The following PARD6G variants were observed in gnomAD, a reference collection of about 807,000 sequenced individuals.
The protein encoded by PARD6G is par-6 family cell polarity regulator gamma.
In PARD6G, 7 loss-of-function variants were observed where a neutral mutation model predicts 10.7. The observed-to-expected ratio is 0.66, with a 90% CI of 0.37 to 1.23. The LOEUF (loss-of-function observed/expected upper bound fraction) is 1.23. Ranked by LOEUF, PARD6G falls within the 50% of genes most tolerant of loss-of-function variation. The probability of loss-of-function intolerance (pLI) is 0.02; values close to 1 mark genes in which losing one functional copy is unlikely to be tolerated. For synonymous variants in PARD6G, 287 were observed against 269.4 expected, an observed-to-expected ratio of 1.07 and a Z score of -0.64; for missense variants, 548 against 571.8, an observed-to-expected ratio of 0.96 and a Z score of 0.42.
At position 80,160,410 on chromosome 18, in the gene PARD6G, G is replaced by A. The variant is rs368450493; in HGVS notation, c.492C>T (p.His164=). The A allele has an allele frequency of 3.4e-4, 545 of 1,599,484 alleles. 6 individuals are homozygous for A. In the African/African-American group the frequency reaches 6.6e-3, roughly 19 times the overall value. The change falls in exon 3 of 3, where the codon CAC becomes CAT. Residue 164 remains histidine, a synonymous_variant. Transcript: ENST00000353265. ...AGAAGCCCAGCGGCTTCTCGCAGCC[G>A]TGCCGGTGCAGCCGCACTCGCCGGT... ...ETHRRVRLHR[H]GCEKPLGFYI... is the part of the protein sequence containing the mutation.
chr18:80,172,704 C>T (rs981038079), intron 2 of PARD6G, among the ~76,000 whole-genome samples: 4 of 152,104 alleles, frequency 2.6e-5, no homozygotes, highest in Non-Finnish European at 2.9e-5. Flanking sequence ...TTTCTATTGA[C>T]GTGAGTATTC....
chr18:80,212,769 C>G (rs1405989362), intron 1 of PARD6G, among the ~76,000 whole-genome samples: 1 of 151,946 alleles, frequency 6.6e-6, no homozygotes, highest in Non-Finnish European at 1.5e-5. Flanking sequence ...CCTGTAGTCC[C>G]AGCTACTCAG....
intron 2 of PARD6G, among the ~76,000 whole-genome samples, chr18:80,198,681 G>A (rs1045092364): frequency 1.3e-5 from 2 of 152,178 alleles, no homozygotes; most frequent in African/African-American, 4.8e-5. Flanking sequence ...TATTACCAGG[G>A]GAAGAGAGGA....
intron 2 of PARD6G, among the ~76,000 whole-genome samples, chr18:80,174,315 G>A (rs1393489866): frequency 6.6e-6 from 1 of 152,152 alleles, no homozygotes; most frequent in Non-Finnish European, 1.5e-5. Context: ...CAGACCTTGA[G>A]GCCAATGACG....
chr18:80,241,505 C>T (rs1003002748), intron 1 of PARD6G, among the ~76,000 whole-genome samples: 5 of 147,870 alleles, frequency 3.4e-5, no homozygotes, highest in Non-Finnish European at 7.4e-5. Context: ...TTGTGATGGG[C>T]ATTAGTGAAC....
At chr18:80,174,613 G>A (rs1371245989) in intron 2 of PARD6G, among the ~76,000 whole-genome samples, 3 of 152,208 alleles carry the variant, frequency 2.0e-5, no homozygotes, top group Non-Finnish European at 4.4e-5. Context: ...ACTGGGTGAT[G>A]CAGGAGGATA....
chr18:80,172,805 G>A (rs931132841), intron 2 of PARD6G, among the ~76,000 whole-genome samples: 6 of 152,264 alleles, frequency 3.9e-5, no homozygotes, highest in Middle Eastern at 3.4e-3. Context: ...TCTCAATAGC[G>A]TCCATTGACG....
intron 2 of PARD6G, chr18:80,169,632 A>C (rs1351377043): frequency 6.6e-6 from 1 of 152,226 alleles, no homozygotes; most frequent in Non-Finnish European, 1.5e-5. Flanking sequence ...CTTGTTCTCA[A>C]ACCGCTCGCT....
chr18:80,179,820 T>C (rs2052838725), intron 2 of PARD6G, among the ~76,000 whole-genome samples: 1 of 152,254 alleles, frequency 6.6e-6, no homozygotes, highest in African/African-American at 2.4e-5. Context: ...ACACTGTTAT[T>C]ATCAAAAGCA....
rs552633462 is a variant in PARD6G, at chr18:80,180,502, C to T, written c.296-19896G>A. Among the ~76,000 whole-genome samples the T allele has an allele frequency of 2.0e-5, 3 of 152,256 alleles. No homozygotes were observed. Among genetic ancestry groups the T allele is most frequent in the African/African-American group, 4.8e-5 (2 of 41,546 alleles). ...AGGTATCACCGGGGCCCTCCCAGGA[C>T]CAACCCAGCCGGTGGTCAGGGGTCC... is the stretch of plus-strand genomic sequence containing the variant. On this transcript the variant is annotated intron_variant, in intron 2 of 2. Coordinates refer to ENST00000353265, the MANE Select transcript of PARD6G (RefSeq NM_032510.4). The surrounding 1 kb of genome is among the most constrained non-coding windows in gnomAD (Gnocchi z 5.6).
rs1169283567 is a variant in PARD6G at position 80,228,684 on chromosome 18, C to T, written c.72+18593G>A. On this transcript the variant is annotated intron_variant, in intron 1 of 2. Transcript: ENST00000353265. This position sits in a 1 kb window ranked among gnomAD's most constrained non-coding sequence, Gnocchi z 4.6. Reference sequence around the variant, plus strand: ...TGAGGCCCCATCCCCTGCCCACAGACTGCGCCTCCCACCTAAGGCCCTTCT... The same window carrying T: ...TGAGGCCCCATCCCCTGCCCACAGATTGCGCCTCCCACCTAAGGCCCTTCT... Among the ~76,000 whole-genome samples, 1 of 151,474 alleles carries T rather than the reference C, an allele frequency of 6.6e-6. No homozygotes were observed. Among genetic ancestry groups the T allele is most frequent in the Non-Finnish European group, 1.5e-5 (1 of 67,860 alleles).
At chr18:80,166,975 C>T (rs532596099) in intron 2 of PARD6G, among the ~76,000 whole-genome samples, 40 of 152,232 alleles carry the variant, frequency 2.6e-4, no homozygotes, top group African/African-American at 8.9e-4. Flanking sequence ...TGGCCTTGGC[C>T]CTGTGCTCCA....
At chr18:80,191,325 C>A (rs1179548507) in intron 2 of PARD6G, among the ~76,000 whole-genome samples, 1 of 152,164 alleles carries the variant, frequency 6.6e-6, no homozygotes, top group African/African-American at 2.4e-5. Flanking sequence ...CCTGGCAGAG[C>A]TACATGAGGC....
At chr18:80,235,685 C>T (rs1178904058) in intron 1 of PARD6G, among the ~76,000 whole-genome samples, 1 of 152,264 alleles carries the variant, frequency 6.6e-6, no homozygotes, top group African/African-American at 2.4e-5. Context: ...CGCCACCGAT[C>T]CCACAGAAAT....
At position 80,159,486 on chromosome 18, in the gene PARD6G, G is replaced by A. The variant is rs2052679648; in HGVS notation, c.*285C>T. 2 of 350,680 alleles carry A rather than the reference G, an allele frequency of 5.7e-6. No individual in the cohort carries two copies. The highest frequency in any genetic ancestry group is 5.0e-6 in the Non-Finnish European group (1 of 200,718). The allele number at this position is 350,680 out of a possible 1,614,324, so 21.7% of individuals were successfully genotyped here. A position where few individuals can be genotyped will look rare whatever the true frequency, so the allele number is the denominator to read the frequency against. ...AAAGTATTTGTAAAAATTTTAAAAA[G>A]CATTTTTTTGCACTTGGTCAGATCT... On this transcript the variant is annotated 3_prime_UTR_variant, in exon 3 of 3. Coordinates refer to ENST00000353265, the MANE Select transcript of PARD6G (RefSeq NM_032510.4).
chr18:80,236,946 T>G (rs1967430371), intron 1 of PARD6G, among the ~76,000 whole-genome samples: 1 of 152,224 alleles, frequency 6.6e-6, no homozygotes, highest in Admixed American at 6.5e-5. Flanking sequence ...ACAGATTCAA[T>G]GCCATCCCCA....
intron 2 of PARD6G, among the ~76,000 whole-genome samples, chr18:80,193,582 T>C (rs761714993): frequency 2.0e-5 from 3 of 152,250 alleles, no homozygotes; most frequent in Non-Finnish European, 2.9e-5. Context: ...TTGTACAATG[T>C]ACCTAATGTA....
In PARD6G at chr18:80,177,082, GCACA is replaced by G. The variant is rs1217419393; in HGVS notation, c.296-16480_296-16477del. The stretch of plus-strand genomic sequence containing the variant: ...AAATCACAGCCCAAATGGAAAGCGC[GCACA>G]CACACACACACGGGATAAATCACAG... On this transcript the variant is annotated intron_variant, in intron 2 of 2. Transcript: ENST00000353265. Among the ~76,000 whole-genome samples, 4 of 104,488 alleles carry G rather than the reference GCACA, an allele frequency of 3.8e-5. No homozygotes were observed. The East Asian group carries it at 1.2e-3, about 30-fold the overall frequency. 68.5% of individuals were successfully genotyped at this position (104,488 alleles called of 152,430 possible). A position where few individuals can be genotyped will look rare whatever the true frequency, so the allele number is the denominator to read the frequency against.
chr18:80,205,551 G>GGTGA (rs961106990), intron 1 of PARD6G, among the ~76,000 whole-genome samples: 10 of 152,204 alleles, frequency 6.6e-5, no homozygotes, highest in Admixed American at 1.3e-4. Context: ...TTCTTGTGAT[G>GGTGA]GTGAGTGAGT....
Sources: gnomAD v4.1 joint callset for allele counts (sites outside exome capture counted in the v4.1 genomes callset) on GRCh38, gnomAD v4.1.1 for gene constraint, Gnocchi (gnomAD v3.1) non-coding constraint, MANE v1.5 for transcripts, NCBI Gene and HGNC (gene_info 2026-07-23, HGNC 2026-07-21) for gene names.